The following GLIS3 variants were observed in gnomAD, a reference collection of about 807,000 sequenced individuals.
GLIS3 encodes GLIS family zinc finger 3.
A neutral mutation model predicts 78.6 loss-of-function variants in GLIS3; 53 were observed. The observed-to-expected ratio is 0.67, with a 90% CI of 0.54 to 0.85. GLIS3 has a LOEUF of 0.85. Among genes scored for constraint, GLIS3 ranks in the 40% least tolerant of loss-of-function variants. The probability of loss-of-function intolerance (pLI) is 0.00; values close to 1 mark genes in which losing one functional copy is unlikely to be tolerated. For synonymous variants in GLIS3, 684 were observed against 509.9 expected (o/e 1.34, Z -4.60); for missense variants, 1,703 against 1,231.1 (o/e 1.38, Z -5.74).
At chr9:4,176,299 T>A (rs1816808814) in intron 2 of GLIS3, among the ~76,000 whole-genome samples, 1 of 152,232 alleles carries the variant, frequency 6.6e-6, no homozygotes, top group South Asian at 2.1e-4. Context: ...CGATTTGTAA[T>A]GTAACTGCCC....
At chr9:4,036,395 A>ATATAAATAAACAGATG (rs1824311852) in intron 4 of GLIS3, among the ~76,000 whole-genome samples, 1 of 152,170 alleles carries the variant, frequency 6.6e-6, no homozygotes, top group Non-Finnish European at 1.5e-5. Context: ...ACAAGATAGG[A>ATATAAATAAACAGATG]TATAAATAAA....
At chr9:4,105,219 G>GT (rs890236625) in intron 4 of GLIS3, among the ~76,000 whole-genome samples, 38 of 152,172 alleles carry the variant, frequency 2.5e-4, no homozygotes, top group Admixed American at 5.2e-4. Flanking sequence ...TCAGTAGGAT[G>GT]TTTTTTAGAA....
At position 3,828,108 on chromosome 9, in the gene GLIS3, G is replaced by T; in HGVS notation, c.*164C>A. 3 of 752,328 alleles carry T rather than the reference G, an allele frequency of 4.0e-6. No individual in the cohort carries two copies. In the East Asian group the frequency reaches 7.9e-5, roughly 20 times the overall value. 46.6% of individuals were successfully genotyped at this position (752,328 alleles called of 1,614,324 possible). ...GAGCAACTGTAATGATTCCTGCAAAGCTAGCTCTGCCATTCAGTCCTGCCT... is the reference window on the plus strand; with the variant it reads ...GAGCAACTGTAATGATTCCTGCAAATCTAGCTCTGCCATTCAGTCCTGCCT... On this transcript the variant is annotated 3_prime_UTR_variant, in exon 11 of 11. Transcript: ENST00000381971.
chr9:4,473,466 A>AAAAAAAAAAAAAAG, the GLIS3 span, among the ~76,000 whole-genome samples: 97 of 135,464 alleles, frequency 7.2e-4, 5 homozygotes, highest in South Asian at 4.7e-3. Context: ...ACAACAAAAA[A>AAAAAAAAAAAAAAG]AAAGGATCAT....
chr9:4,394,046 C>G, the GLIS3 span, among the ~76,000 whole-genome samples: 6 of 151,654 alleles, frequency 4.0e-5, no homozygotes, highest in Admixed American at 1.3e-4. Context: ...GAACCCAGTT[C>G]CATTAAAACC....
chr9:4,421,496 T>G, the GLIS3 span, among the ~76,000 whole-genome samples: 2 of 152,226 alleles, frequency 1.3e-5, no homozygotes, highest in Admixed American at 6.5e-5. Flanking sequence ...TGTTTGTCTC[T>G]CTCAGGTTTA....
At position 3,926,688 on chromosome 9, in the gene GLIS3, G is replaced by C. The variant is rs553030804; in HGVS notation, c.1983+5672C>G. ...GCTGGAGTGCAGTGGCATGATTACA[G>C]TTCAGCTCACCACAACCTCTGCCTC... is the stretch of plus-strand genomic sequence containing the variant. On this transcript the variant is annotated intron_variant, in intron 6 of 10. Transcript: ENST00000381971. Among the ~76,000 whole-genome samples, 11 of 150,732 alleles carry C rather than the reference G, an allele frequency of 7.3e-5. 1 individual carries two copies. The East Asian group carries it at 1.8e-3, about 24-fold the overall frequency.
Position 4,000,292 on chromosome 9 carries a change from G to A in GLIS3, c.1711-63103C>T, listed in dbSNP as rs533506450. ...TCAAAAGCAGGCAAAACCAAACAAT[G>A]TATTTTTAAGGATGCCTATATGTGT... On this transcript the variant is annotated intron_variant, in intron 4 of 10. Coordinates refer to ENST00000381971, the MANE Select transcript of GLIS3 (RefSeq NM_001042413.2). Among the ~76,000 whole-genome samples, 57 of 152,144 alleles carry A rather than the reference G, an allele frequency of 3.7e-4. 4 individuals are homozygous for A. In the South Asian group the frequency reaches 0.011, roughly 30 times the overall value.
At chr9:4,300,655 G>A (rs754265183), upstream of GLIS3, among the ~76,000 whole-genome samples, 1 of 151,928 alleles carries the variant, frequency 6.6e-6, no homozygotes, top group Non-Finnish European at 1.5e-5. Flanking sequence ...CGTATGTTAC[G>A]TCTATAAAGT....
chr9:4,344,796 TCTATC>T (rs1817878008), intron 2 of GLIS3, among the ~76,000 whole-genome samples: 1 of 152,196 alleles, frequency 6.6e-6, no homozygotes, highest in African/African-American at 2.4e-5. Flanking sequence ...AAGTAGCACT[TCTATC>T]CTTTCATTTC....
the GLIS3 span, among the ~76,000 whole-genome samples, chr9:4,356,670 T>C: frequency 6.6e-6 from 1 of 152,242 alleles, no homozygotes; most frequent in Non-Finnish European, 1.5e-5. Context: ...AAAGAGTATG[T>C]GATCAAAGAC....
At chr9:4,062,517 T>C (rs925165021) in intron 4 of GLIS3, among the ~76,000 whole-genome samples, 14 of 152,252 alleles carry the variant, frequency 9.2e-5, no homozygotes, top group African/African-American at 3.4e-4. Flanking sequence ...ACATATTTGC[T>C]GTATGATCTA....
intron 4 of GLIS3, among the ~76,000 whole-genome samples, chr9:4,062,249 A>G (rs1295220700): frequency 6.6e-6 from 1 of 152,230 alleles, no homozygotes; most frequent in Non-Finnish European, 1.5e-5. Context: ...AAGGCATTTC[A>G]TAATGAAAAT....
intron 4 of GLIS3, among the ~76,000 whole-genome samples, chr9:4,077,663 A>G (rs1828191523): frequency 6.6e-6 from 1 of 152,180 alleles, no homozygotes; most frequent in Non-Finnish European, 1.5e-5. Context: ...TTGCCAGGGT[A>G]GTCCCTGTCG....
At chr9:4,322,400 T>C (rs960787241) in intron 2 of GLIS3, among the ~76,000 whole-genome samples, 8 of 152,100 alleles carry the variant, frequency 5.3e-5, no homozygotes, top group East Asian at 1.9e-4. Flanking sequence ...ACTCAAAGGA[T>C]TGGGTATATT....
At chr9:3,968,541 A>G (rs1483274287) in intron 4 of GLIS3, among the ~76,000 whole-genome samples, 1 of 152,230 alleles carries the variant, frequency 6.6e-6, no homozygotes, top group Non-Finnish European at 1.5e-5. Context: ...ATGTTTGATT[A>G]AATTATACAA....
intron 7 of GLIS3, among the ~76,000 whole-genome samples, chr9:3,879,917 G>A (rs1373576002): frequency 6.6e-6 from 1 of 152,080 alleles, no homozygotes; most frequent in Admixed American, 6.5e-5. Flanking sequence ...CAAGGTCTCT[G>A]TATTAGCACT....
chr9:4,139,348 C>G (rs530440876), intron 2 of GLIS3, among the ~76,000 whole-genome samples: 46 of 152,254 alleles, frequency 3.0e-4, no homozygotes, highest in African/African-American at 9.9e-4. Flanking sequence ...GTAATGAATA[C>G]AACTTTTAAG....
At chr9:4,015,210 T>C (rs1400850065) in intron 4 of GLIS3, among the ~76,000 whole-genome samples, 1 of 152,136 alleles carries the variant, frequency 6.6e-6, no homozygotes, top group Non-Finnish European at 1.5e-5. Context: ...TGGAAGGCCG[T>C]GTGTGCAGGG....
Sources: allele counts gnomAD v4.1 joint callset (sites outside exome capture counted in the v4.1 genomes callset), GRCh38; gene constraint gnomAD v4.1.1; transcripts MANE v1.5; gene names NCBI Gene and HGNC (gene_info 2026-07-23, HGNC 2026-07-21).